MGAT4C: variants seen among roughly 807,000 people sequenced by gnomAD.
MGAT4C encodes alpha-1,3-mannosyl-glycoprotein 4-beta-N-acetylglucosaminyltransferase C.
In MGAT4C, 19 loss-of-function variants were observed where a neutral mutation model predicts 40.1. The observed-to-expected ratio is 0.47, with a 90% CI of 0.33 to 0.70. The LOEUF is 0.70. Ranked by LOEUF, MGAT4C falls within the 30% of genes least tolerant of loss-of-function variation. The probability of loss-of-function intolerance (pLI) is 0.02; values close to 1 mark genes in which losing one functional copy is unlikely to be tolerated. For synonymous variants in MGAT4C, 181 were observed against 187.1 expected (o/e 0.97, Z 0.27); for missense variants, 491 against 563.2 (o/e 0.87, Z 1.30).
intron 3 of MGAT4C, among the ~76,000 whole-genome samples, chr12:86,391,736 T>A (rs1956163966): frequency 6.6e-6 from 1 of 152,064 alleles, no homozygotes. Flanking sequence ...GGCGGGTGCC[T>A]GTAGTCCCAG....
At chr12:86,525,294 G>A (rs190491534) in intron 2 of MGAT4C, among the ~76,000 whole-genome samples, 41 of 152,244 alleles carry the variant, frequency 2.7e-4, no homozygotes, top group African/African-American at 9.9e-4. Flanking sequence ...TGTGAAGAAG[G>A]TGGTTGCTTC....
intron 1 of MGAT4C, among the ~76,000 whole-genome samples, chr12:86,816,404 C>G (rs1239051284): frequency 6.6e-6 from 1 of 151,722 alleles, no homozygotes; most frequent in Non-Finnish European, 1.5e-5. Flanking sequence ...TATATTTTAT[C>G]AGAATATTTT....
At chr12:86,484,459 G>A (rs1428958361) in intron 2 of MGAT4C, among the ~76,000 whole-genome samples, 1 of 152,178 alleles carries the variant, frequency 6.6e-6, no homozygotes, top group Non-Finnish European at 1.5e-5. Context: ...GCCCAACCTG[G>A]TGCTTTGCCT....
At chr12:86,356,576 G>A (rs554171694) in intron 3 of MGAT4C, among the ~76,000 whole-genome samples, 2 of 152,206 alleles carry the variant, frequency 1.3e-5, no homozygotes, top group South Asian at 4.2e-4. Context: ...CCTAGCCAAG[G>A]GTAGCCGTGA....
chr12:86,116,937 T>C (rs766186636), intron 1 of MGAT4C, among the ~76,000 whole-genome samples: 6 of 152,100 alleles, frequency 3.9e-5, no homozygotes, highest in Non-Finnish European at 7.4e-5. Flanking sequence ...TAAAACATTG[T>C]TAGGTAAATT....
At chr12:86,279,502 T>C (rs1953160373) in intron 4 of MGAT4C, among the ~76,000 whole-genome samples, 1 of 152,014 alleles carries the variant, frequency 6.6e-6, no homozygotes, top group African/African-American at 2.4e-5. Flanking sequence ...CAGTTGTAAG[T>C]CTCCTTTTCA....
intron 2 of MGAT4C, among the ~76,000 whole-genome samples, chr12:86,527,757 A>G (rs1002731087): frequency 2.0e-5 from 3 of 152,102 alleles, no homozygotes; most frequent in African/African-American, 7.2e-5. Context: ...GTTTGTAGCT[A>G]TTATAAATGG....
At chr12:86,816,815 A>C (rs1271822148) in intron 1 of MGAT4C, among the ~76,000 whole-genome samples, 1 of 151,508 alleles carries the variant, frequency 6.6e-6, no homozygotes, top group Non-Finnish European at 1.5e-5. Flanking sequence ...TCTTGATCGA[A>C]CTAATCAGTG....
intron 2 of MGAT4C, among the ~76,000 whole-genome samples, chr12:86,541,885 C>T (rs867863476): frequency 1.3e-5 from 2 of 152,176 alleles, no homozygotes; most frequent in Admixed American, 6.5e-5. Context: ...TCTGTACTCA[C>T]TTCTGGTTTA....
At chr12:86,362,866 CA>C (rs55701637) in intron 3 of MGAT4C, among the ~76,000 whole-genome samples, 10,238 of 104,366 alleles carry the variant, frequency 0.098, 373 homozygotes, top group Middle Eastern at 0.25. Context: ...GACTCCATCT[CA>C]AAAAAAAAAA....
chr12:86,032,480 A>G (rs569086808), intron 2 of MGAT4C, among the ~76,000 whole-genome samples: 1 of 149,774 alleles, frequency 6.7e-6, no homozygotes, highest in East Asian at 1.9e-4. Context: ...TTGGTATCTC[A>G]TTGTGAGGTT....
intron 2 of MGAT4C, among the ~76,000 whole-genome samples, chr12:86,619,149 C>G (rs901550367): frequency 1.3e-5 from 2 of 151,996 alleles, no homozygotes; most frequent in Non-Finnish European, 2.9e-5. Context: ...GGAACTTGAA[C>G]ATTTATGGGT....
intron 3 of MGAT4C, among the ~76,000 whole-genome samples, chr12:86,424,311 C>T (rs1956884228): frequency 6.6e-6 from 1 of 152,068 alleles, no homozygotes; most frequent in Non-Finnish European, 1.5e-5. Flanking sequence ...GATTTTTGTC[C>T]CCCACTCTTC....
Position 85,964,274 on chromosome 12 carries a change from T to G in MGAT4C, c.*15015A>C, listed in dbSNP as rs1883250952. ...CATAGAAATTCTTGGATTTTGAAAT[T>G]AGTTTAATTCCAAAATATTTTCTTT... On this transcript the variant is annotated 3_prime_UTR_variant, in exon 5 of 5. Coordinates refer to ENST00000611864, the MANE Select transcript of MGAT4C (RefSeq NM_001351288.2). 2.0e-5 allele frequency: 3 copies of G among 152,128 alleles called. No homozygotes were observed. The highest frequency in any genetic ancestry group is 7.2e-5 in the African/African-American group (3 of 41,462). 9.4% of individuals were successfully genotyped at this position (152,128 alleles called of 1,614,324 possible). A position where few individuals can be genotyped will look rare whatever the true frequency, so the allele number is the denominator to read the frequency against.
intron 2 of MGAT4C, among the ~76,000 whole-genome samples, chr12:86,511,434 T>G (rs1592937120): frequency 6.6e-6 from 1 of 152,188 alleles, no homozygotes; most frequent in South Asian, 2.1e-4. Flanking sequence ...GATGCTATTA[T>G]AAATCGAACT....
At chr12:86,376,444 A>G (rs1242565921) in intron 3 of MGAT4C, among the ~76,000 whole-genome samples, 1 of 152,048 alleles carries the variant, frequency 6.6e-6, no homozygotes, top group East Asian at 1.9e-4. Flanking sequence ...ACATATATAT[A>G]TGAAATACAA....
At position 85,978,535 on chromosome 12, in the gene MGAT4C, A is replaced by C. The variant is rs572420244; in HGVS notation, c.*754T>G. ...AGGCCTTCCCTAATTTATTCTATTA[A>C]ATGTGGGTACTCAATGTAACCTGAA... is the stretch of plus-strand genomic sequence containing the variant. On this transcript the variant is annotated 3_prime_UTR_variant, in exon 5 of 5. Coordinates refer to ENST00000611864, the MANE Select transcript of MGAT4C (RefSeq NM_001351288.2). 1.3e-5 allele frequency: 2 copies of C among 152,090 alleles called. No individual in the cohort carries two copies. The highest frequency in any genetic ancestry group is 4.8e-5 in the African/African-American group (2 of 41,510). The allele number at this position is 152,090 out of a possible 1,614,324, so 9.4% of individuals were successfully genotyped here. A position where few individuals can be genotyped will look rare whatever the true frequency, so the allele number is the denominator to read the frequency against.
intron 1 of MGAT4C, among the ~76,000 whole-genome samples, chr12:86,771,062 A>C (rs77519593): frequency 0.011 from 1,623 of 152,232 alleles, 23 homozygotes; most frequent in African/African-American, 0.037. Flanking sequence ...CCTTATAAGA[A>C]GAGGTAATTC....
At chr12:86,176,998 AG>A (rs1887520995) in intron 1 of MGAT4C, among the ~76,000 whole-genome samples, 1 of 151,808 alleles carries the variant, frequency 6.6e-6, no homozygotes, top group African/African-American at 2.4e-5. Context: ...TAAACAGTGA[AG>A]AAGCAGGTCA....
Sources: gnomAD v4.1 joint callset for allele counts (sites outside exome capture counted in the v4.1 genomes callset) on GRCh38, gnomAD v4.1.1 for gene constraint, MANE v1.5 for transcripts, NCBI Gene and HGNC (gene_info 2026-07-23, HGNC 2026-07-21) for gene names.